GRB2: variants seen among roughly 807,000 people sequenced by gnomAD.
GRB2 encodes growth factor receptor-bound protein 2.
GRB2 carries 2 observed loss-of-function variants against 27.4 expected under a neutral mutation model. The ratio of observed to expected loss-of-function variants is 0.07; its 90% confidence interval spans 0.03 to 0.23. GRB2 has a LOEUF of 0.23. Ranked by LOEUF, GRB2 falls within the 10% of genes least tolerant of loss-of-function variation. GRB2 has a pLI of 1.00. For synonymous variants in GRB2, 94 were observed against 99.6 expected (o/e 0.94, Z 0.33); for missense variants, 102 against 282.4 (o/e 0.36, Z 4.58).
At chr17:75,350,854 A>G (rs9896465) in intron 2 of GRB2, among the ~76,000 whole-genome samples, 134,626 of 152,110 alleles carry the variant, frequency 0.89, 60,446 homozygotes, top group Non-Finnish European at 0.96. Flanking sequence ...AGGCTTGGGG[A>G]CGGGCATTGA....
At chr17:75,369,418 G>A in intron 2 of GRB2, among the ~76,000 whole-genome samples, 1 of 152,000 alleles carries the variant, frequency 6.6e-6, no homozygotes, top group Admixed American at 6.6e-5. Context: ...AATTTAAGAA[G>A]GCAAAATATA....
intron 2 of GRB2, among the ~76,000 whole-genome samples, chr17:75,349,508 C>CTTTTTT (rs36010389): frequency 2.6e-5 from 3 of 115,902 alleles, no homozygotes; most frequent in Non-Finnish European, 5.2e-5. Context: ...ATAACTCAGA[C>CTTTTTT]TTTTTTTTTT....
At chr17:75,378,661 G>A (rs1419969100) in intron 2 of GRB2, among the ~76,000 whole-genome samples, 1 of 152,092 alleles carries the variant, frequency 6.6e-6, no homozygotes, top group East Asian at 1.9e-4. Context: ...GCTTAAACAT[G>A]GCAGATTGGA....
intron 2 of GRB2, among the ~76,000 whole-genome samples, chr17:75,335,098 T>C (rs997113466): frequency 3.3e-5 from 5 of 152,118 alleles, no homozygotes; most frequent in African/African-American, 7.2e-5. Context: ...GCCACTGCGA[T>C]TGGCCAAAAT....
chr17:75,371,221 A>G (rs2078854488), intron 2 of GRB2: 1 of 152,206 alleles, frequency 6.6e-6, no homozygotes, highest in African/African-American at 2.4e-5. Context: ...AAGTGTAATT[A>G]TACTTTACAA....
chr17:75,325,918 C>T lies in GRB2; in HGVS notation c.279G>A (p.Gly93=). ...CTTACTTGACAGAGAGGGAGAAGTC[C>T]CCAGGAGCGCTCTCACTCTCTCGGA... ...FLIRESESAP[G]DFSLSVKFGN... The change falls in exon 4 of 6, where the codon GGG becomes GGA. Residue 93 remains glycine (G), a synonymous_variant. Coordinates refer to ENST00000316804, the MANE Select transcript of GRB2 (RefSeq NM_002086.5). The T allele has an allele frequency of 1.9e-6, 3 of 1,613,658 alleles. No individual in the cohort carries two copies. In the South Asian group the frequency reaches 3.3e-5, roughly 18 times the overall value.
At chr17:75,354,039 CA>C (rs780123758) in intron 2 of GRB2, among the ~76,000 whole-genome samples, 6 of 138,986 alleles carry the variant, frequency 4.3e-5, no homozygotes, top group Non-Finnish European at 4.6e-5. Flanking sequence ...GACTCTGTCT[CA>C]AAAAAAAAAC....
intron 3 of GRB2, among the ~76,000 whole-genome samples, chr17:75,331,727 C>A (rs1333407385): frequency 6.6e-6 from 1 of 152,178 alleles, no homozygotes; most frequent in African/African-American, 2.4e-5. Flanking sequence ...GAATATTTGA[C>A]AGGATTGTAT....
In GRB2 at chr17:75,344,833, C is replaced by T. The variant is rs369303508; in HGVS notation, c.79-12036G>A. On this transcript the variant is annotated intron_variant, in intron 2 of 5. Coordinates refer to ENST00000316804, the MANE Select transcript of GRB2 (RefSeq NM_002086.5). ...CAAAAAATAAAACACAAAGCCTCCCCAACCCCCCACACCCCCTCCCAACCC... is the reference window on the plus strand; with the variant it reads ...CAAAAAATAAAACACAAAGCCTCCCTAACCCCCCACACCCCCTCCCAACCC... Among the ~76,000 whole-genome samples, 499 of 151,714 alleles carry T rather than the reference C, an allele frequency of 3.3e-3. 5 individuals carry two copies. Among genetic ancestry groups the T allele is most frequent in the African/African-American group, 0.012 (479 of 41,362 alleles).
chr17:75,378,151 C>T (rs1158822517), intron 2 of GRB2, among the ~76,000 whole-genome samples: 3 of 151,646 alleles, frequency 2.0e-5, no homozygotes, highest in Non-Finnish European at 2.9e-5. Context: ...TTTGGGAGGC[C>T]GAGGTGGGGG....
chr17:75,365,890 GA>G (rs2078816041), intron 2 of GRB2, among the ~76,000 whole-genome samples: 1 of 152,034 alleles, frequency 6.6e-6, no homozygotes, highest in African/African-American at 2.4e-5. Flanking sequence ...CCCTTCTATT[GA>G]AATTGCCCAT....
intron 2 of GRB2, among the ~76,000 whole-genome samples, chr17:75,384,871 C>G (rs1215485783): frequency 6.6e-6 from 1 of 151,266 alleles, no homozygotes; most frequent in Non-Finnish European, 1.5e-5. Context: ...TGGCCTCTCT[C>G]TCTAGTTTGA....
intron 2 of GRB2, among the ~76,000 whole-genome samples, chr17:75,343,584 T>C (rs999544088): frequency 3.9e-5 from 6 of 152,160 alleles, no homozygotes; most frequent in African/African-American, 1.2e-4. Flanking sequence ...TCAAGAGAAA[T>C]TGCTCTTGAT....
intron 4 of GRB2, among the ~76,000 whole-genome samples, chr17:75,323,266 G>A (rs949605449): frequency 5.9e-5 from 9 of 152,020 alleles, no homozygotes; most frequent in African/African-American, 2.2e-4. Context: ...GAGCCTCAAG[G>A]AAGCCACTCA....
At chr17:75,330,422 AGGGTGCGGT>A (rs939723724) in intron 3 of GRB2, among the ~76,000 whole-genome samples, 12 of 151,626 alleles carry the variant, frequency 7.9e-5, no homozygotes, top group Non-Finnish European at 1.6e-4. Context: ...GGGCTTTGGC[AGGGTGCGGT>A]GGCTTACACC....
rs796075893 is a variant in GRB2, at chr17:75,337,864, C to CCTACTTTTACTACTACTACTA, written c.79-5068_79-5067insTAGTAGTAGTAGTAAAAGTAG. ...TATAGGCGTGAGCCACTGCGCCCGG[C>CCTACTTTTACTACTACTACTA]CTACTATTACTACTACTACTACTAC... On this transcript the variant is annotated intron_variant, in intron 2 of 5. Transcript: ENST00000316804. 1.5e-4 allele frequency among the ~76,000 whole-genome samples: 17 copies of CCTACTTTTACTACTACTACTA among 116,060 alleles called. 1 individual carries two copies. The highest frequency in any genetic ancestry group is 1.6e-4 in the Non-Finnish European group (8 of 51,580). The allele number at this position is 116,060 out of a possible 152,430, so 76.1% of individuals were successfully genotyped here.
intron 2 of GRB2, among the ~76,000 whole-genome samples, chr17:75,386,921 A>G (rs2078967399): frequency 6.6e-6 from 1 of 152,082 alleles, no homozygotes; most frequent in Admixed American, 6.6e-5. Context: ...CACGCCTGTA[A>G]CCCCAGCACT....
intron 1 of GRB2, among the ~76,000 whole-genome samples, chr17:75,399,663 G>A (rs1448641233): frequency 5.6e-5 from 8 of 142,234 alleles, no homozygotes; most frequent in Admixed American, 1.4e-4. Flanking sequence ...CACCGCGCCC[G>A]ACCAACAATT....
intron 2 of GRB2, among the ~76,000 whole-genome samples, chr17:75,380,701 T>G (rs545266513): frequency 3.0e-4 from 45 of 152,332 alleles, no homozygotes; most frequent in African/African-American, 1.0e-3. Context: ...TATTTCTCTA[T>G]CATAATCACT....
Sources: gnomAD v4.1 joint callset for allele counts (sites outside exome capture counted in the v4.1 genomes callset) on GRCh38, gnomAD v4.1.1 for gene constraint, MANE v1.5 for transcripts, NCBI Gene and HGNC (gene_info 2026-07-23, HGNC 2026-07-21) for gene names.